Variants in COPG2 observed in about 807,000 individuals in gnomAD.
The protein encoded by COPG2 is coat protein complex I subunit gamma 2, also known as coatomer subunit gamma-2.
COPG2 carries 37 observed loss-of-function variants against 46.3 expected under a neutral mutation model. The observed-to-expected ratio is 0.80, with a 90% confidence interval of 0.61 to 1.05. The LOEUF (loss-of-function observed/expected upper bound fraction) is 1.05, where lower values mean the gene tolerates loss of function less well. Ranked by LOEUF, COPG2 falls within the 50% of genes least tolerant of loss-of-function variation. The pLI is 0.00. For synonymous variants in COPG2, 159 were observed against 129.7 expected, an observed-to-expected ratio of 1.23 and a Z score of -1.53; for missense variants, 427 against 387.8, an observed-to-expected ratio of 1.10 and a Z score of -0.85.
At chr7:130,532,441 G>A (rs1472138484) in intron 20 of COPG2, among the ~76,000 whole-genome samples, 1 of 152,098 alleles carries the variant, frequency 6.6e-6, no homozygotes, top group Non-Finnish European at 1.5e-5. Flanking sequence ...AGATATGGGC[G>A]CTAAGGAGGG....
rs1554449471 is a variant in COPG2 at position 130,594,580 on chromosome 7, A to G, written c.737+16373T>C. The stretch of plus-strand genomic sequence containing the variant: ...TCAAGAAAGTGAAGAGATGACCCAA[A>G]GAATTGGAGGAAACATTTATAAATT... On this transcript the variant is annotated intron_variant, in intron 9 of 23. Coordinates refer to ENST00000425248, the MANE Select transcript of COPG2 (RefSeq NM_012133.6). 2.0e-5 allele frequency among the ~76,000 whole-genome samples: 3 copies of G among 152,228 alleles called. No individual in the cohort carries two copies. The East Asian group carries it at 5.8e-4, about 29-fold the overall frequency.
Position 130,613,683 on chromosome 7 carries a change from T to C in COPG2, c.400-47A>G, listed in dbSNP as rs373299573. On this transcript the variant is annotated intron_variant, in intron 6 of 23. Coordinates refer to ENST00000425248, the MANE Select transcript of COPG2 (RefSeq NM_012133.6). Reference sequence around the variant, plus strand: ...AAATTGTTAAGGAAAAACATGCTTATGCAAAATTACTCTTATGCTTCAAAA... The same window carrying C: ...AAATTGTTAAGGAAAAACATGCTTACGCAAAATTACTCTTATGCTTCAAAA... 5.8e-6 allele frequency: 7 copies of C among 1,214,964 alleles called. No homozygotes were observed. In the South Asian group the frequency reaches 7.8e-5, roughly 14 times the overall value. 75.3% of individuals were successfully genotyped at this position (1,214,964 alleles called of 1,614,324 possible). A position where few individuals can be genotyped will look rare whatever the true frequency, so the allele number is the denominator to read the frequency against.
chr7:130,517,713 A>T (rs1360607476), intron 20 of COPG2, among the ~76,000 whole-genome samples: 1 of 152,254 alleles, frequency 6.6e-6, no homozygotes, highest in Non-Finnish European at 1.5e-5. Context: ...TGATAATTTA[A>T]TGCTAGTAGC....
chr7:130,616,486 A>C (rs1794951451), intron 6 of COPG2, among the ~76,000 whole-genome samples: 1 of 152,100 alleles, frequency 6.6e-6, no homozygotes, highest in South Asian at 2.1e-4. Flanking sequence ...GCTACTCAGG[A>C]GGCTGAGGCA....
intron 20 of COPG2, among the ~76,000 whole-genome samples, chr7:130,541,955 GACCA>G (rs1793335164): frequency 7.8e-6 from 1 of 128,598 alleles, no homozygotes; most frequent in Admixed American, 7.5e-5. Context: ...CAGGAGAAAC[GACCA>G]ACCTGGGCCC....
rs1391789624 is a variant in COPG2 at position 130,550,563 on chromosome 7, T to C, written c.1735A>G (p.Ile579Val). 4.8e-5 allele frequency: 19 copies of C among 398,328 alleles called. No individual in the cohort carries two copies. The highest frequency in any genetic ancestry group is 2.5e-4 in the South Asian group (2 of 7,856). 24.7% of individuals were successfully genotyped at this position (398,328 alleles called of 1,614,324 possible). Residue 579 changes from isoleucine (I) to valine (V), a missense_variant, in exon 17 of 24, where the codon ATT becomes GTT. Physicochemically the swap from Ile to Val is conservative, Grantham distance 29. Transcript: ENST00000425248. Reference sequence around the variant, plus strand: ...AAGACAGGAGCCATAGCAAGAGGAATTGATTTCATGTCAAACGGTTTTTCT... The same window carrying C: ...AAGACAGGAGCCATAGCAAGAGGAACTGATTTCATGTCAAACGGTTTTTCT... ...PSEKPFDMKS[I>V]PLAMAPVFEQ...
intron 9 of COPG2, among the ~76,000 whole-genome samples, chr7:130,572,574 C>T (rs1584977854): frequency 6.6e-6 from 1 of 152,074 alleles, no homozygotes; most frequent in Admixed American, 6.6e-5. Context: ...CCAGGGAAAT[C>T]CTTAAATATT....
intron 20 of COPG2, among the ~76,000 whole-genome samples, chr7:130,526,299 C>T (rs991189041): frequency 1.3e-5 from 2 of 152,070 alleles, no homozygotes; most frequent in Admixed American, 6.5e-5. Context: ...GTGAGGAGAG[C>T]AGGTCAAAGT....
At chr7:130,640,715 G>C (rs2116200027) in intron 5 of COPG2, among the ~76,000 whole-genome samples, 1 of 152,276 alleles carries the variant, frequency 6.6e-6, no homozygotes, top group East Asian at 1.9e-4. Context: ...AGGGAAGTAG[G>C]AGACAGAAAG....
In COPG2 at chr7:130,519,823, TAAAG is replaced by T. The variant is rs1346675629; in HGVS notation, c.2150-11168_2150-11165del. On this transcript the variant is annotated intron_variant, in intron 20 of 23. Transcript: ENST00000425248. The stretch of plus-strand genomic sequence containing the variant: ...ACAATAAGACAGATCAAGTATAAAT[TAAAG>T]AAACAGAACTGTCAGATTGCAGAAG... Among the ~76,000 whole-genome samples the T allele has an allele frequency of 2.0e-5, 3 of 152,222 alleles. No homozygotes were observed. In the East Asian group the frequency reaches 5.8e-4, roughly 29 times the overall value.
chr7:130,584,928 A>C (rs1460367131), intron 9 of COPG2, among the ~76,000 whole-genome samples: 1 of 151,994 alleles, frequency 6.6e-6, no homozygotes, highest in Non-Finnish European at 1.5e-5. Flanking sequence ...CAAAACCATC[A>C]AAATACCACC....
intron 9 of COPG2, among the ~76,000 whole-genome samples, chr7:130,570,846 A>G (rs1391682343): frequency 6.6e-6 from 1 of 152,248 alleles, no homozygotes; most frequent in African/African-American, 2.4e-5. Flanking sequence ...CTGGTATAAA[A>G]ATAGGCAAAG....
At chr7:130,512,414 A>G (rs1447047777) in intron 20 of COPG2, among the ~76,000 whole-genome samples, 1 of 151,906 alleles carries the variant, frequency 6.6e-6, no homozygotes, top group Non-Finnish European at 1.5e-5. Flanking sequence ...TGTCCAGAGA[A>G]TGGATTATTG....
intron 9 of COPG2, chr7:130,605,234 T>C (rs1794706653): frequency 1.9e-6 from 1 of 520,050 alleles, no homozygotes; most frequent in African/African-American, 1.9e-5. Context: ...TCATCAGCCA[T>C]CTCTAATCTG....
chr7:130,605,193 T>C (rs1794705917), intron 9 of COPG2: 1 of 520,028 alleles, frequency 1.9e-6, no homozygotes, highest in African/African-American at 1.9e-5. Flanking sequence ...TCCTGCTCTA[T>C]CTTCAAATTC....
intron 15 of COPG2, 35 bp from the exon 16 acceptor site, chr7:130,551,379 A>C: frequency 2.5e-6 from 1 of 398,192 alleles, no homozygotes. Context: ...ATGTCACAGT[A>C]CCCCAAAGAC....
chr7:130,596,267 C>T (rs1554449656), intron 9 of COPG2, among the ~76,000 whole-genome samples: 2 of 152,168 alleles, frequency 1.3e-5, no homozygotes, highest in Non-Finnish European at 2.9e-5. Context: ...CTCTTTAAAC[C>T]CTGCTTTTGT....
At chr7:130,598,806 A>G (rs1554450032) in intron 9 of COPG2, among the ~76,000 whole-genome samples, 1 of 152,210 alleles carries the variant, frequency 6.6e-6, no homozygotes, top group African/African-American at 2.4e-5. Flanking sequence ...CAATAACTCT[A>G]TCATGCAAGC....
intron 1 of COPG2, among the ~76,000 whole-genome samples, chr7:130,668,366 G>A (rs1182274447): frequency 1.3e-5 from 2 of 150,430 alleles, no homozygotes; most frequent in East Asian, 2.0e-4. Flanking sequence ...GCTCGGAGGG[G>A]CTGCGCCGCA....
Sources: gnomAD v4.1 joint callset for allele counts (sites outside exome capture counted in the v4.1 genomes callset) on GRCh38, gnomAD v4.1.1 for gene constraint, MANE v1.5 for transcripts, NCBI Gene and HGNC (gene_info 2026-07-23, HGNC 2026-07-21) for gene names.